CLDN14: variants seen among roughly 807,000 people sequenced by gnomAD.
CLDN14 encodes the protein claudin-14.
In CLDN14, 2 loss-of-function variants were observed where a neutral mutation model predicts 2.1. The ratio of observed to expected loss-of-function variants is 0.96; its 90% confidence interval spans 0.39 to 3.01. The LOEUF (loss-of-function observed/expected upper bound fraction) is 3.01. Ranked by LOEUF, CLDN14 falls within the 30% of genes most tolerant of loss-of-function variation. CLDN14 has a pLI of 0.09. For missense variants in CLDN14, 298 were observed against 328.0 expected, an observed-to-expected ratio of 0.91 and a Z score of 0.71; for synonymous variants, 136 against 154.4, an observed-to-expected ratio of 0.88 and a Z score of 0.88.
intron 1 of CLDN14, among the ~76,000 whole-genome samples, chr21:36,549,329 G>A (rs956792458): frequency 6.6e-6 from 1 of 151,826 alleles, no homozygotes; most frequent in Admixed American, 6.6e-5. Flanking sequence ...CGGCTACTGA[G>A]AGTCCTCGCT....
intron 2 of CLDN14, among the ~76,000 whole-genome samples, chr21:36,489,131 A>AAAAAATATATATATATAT: frequency 1.6e-5 from 1 of 62,750 alleles, no homozygotes; most frequent in African/African-American, 5.9e-5. Context: ...AAAAAAAAAA[A>AAAAAATATATATATATAT]ATATATATAT....
chr21:36,537,763 C>T (rs929213902), intron 1 of CLDN14, among the ~76,000 whole-genome samples: 1 of 151,538 alleles, frequency 6.6e-6, no homozygotes, highest in South Asian at 2.1e-4. Context: ...AATTCCCCTG[C>T]CTCAGCCTCC....
intron 1 of CLDN14, among the ~76,000 whole-genome samples, chr21:36,555,897 C>A (rs2087596486): frequency 6.6e-6 from 1 of 151,710 alleles, no homozygotes; most frequent in African/African-American, 2.4e-5. Flanking sequence ...CATAGGGACA[C>A]TTTTTGCACA....
chr21:36,513,208 C>T (rs2087199295), intron 1 of CLDN14, among the ~76,000 whole-genome samples: 1 of 152,220 alleles, frequency 6.6e-6, no homozygotes, highest in Non-Finnish European at 1.5e-5. Flanking sequence ...ATTGGAGGAA[C>T]TGTCCAGGGG....
intron 1 of CLDN14, among the ~76,000 whole-genome samples, chr21:36,567,772 T>G (rs1420264851): frequency 6.6e-6 from 1 of 152,172 alleles, no homozygotes; most frequent in South Asian, 2.1e-4. Context: ...AAAATTACCC[T>G]GGCCATTTAG....
chr21:36,571,129 C>G (rs1332923155), intron 1 of CLDN14, among the ~76,000 whole-genome samples: 1 of 152,228 alleles, frequency 6.6e-6, no homozygotes, highest in Non-Finnish European at 1.5e-5. Context: ...CGTGAGCCGC[C>G]GTGCCCAGCC....
At chr21:36,472,031 A>G (rs1423949221) in intron 1 of CLDN14, among the ~76,000 whole-genome samples, 1 of 152,238 alleles carries the variant, frequency 6.6e-6, no homozygotes, top group Non-Finnish European at 1.5e-5. Context: ...TATGCCAAAC[A>G]TGTGCTAAGT....
chr21:36,508,703 G>C (rs59097582), intron 2 of CLDN14, among the ~76,000 whole-genome samples: 4 of 152,142 alleles, frequency 2.6e-5, no homozygotes. Context: ...AGAAACCACC[G>C]AGGTTTCTGT....
intron 2 of CLDN14, among the ~76,000 whole-genome samples, chr21:36,500,349 C>T (rs370614362): frequency 2.0e-5 from 3 of 152,162 alleles, no homozygotes; most frequent in African/African-American, 4.8e-5. Flanking sequence ...AGTGACGCCT[C>T]GGACAGTGAC....
At chr21:36,463,999 A>T (rs546180526) in intron 1 of CLDN14, among the ~76,000 whole-genome samples, 1 of 152,244 alleles carries the variant, frequency 6.6e-6, no homozygotes, top group Admixed American at 6.5e-5. Flanking sequence ...TAGGGTTTGG[A>T]TTTGTGTCCC....
chr21:36,521,770 T>A (rs1016877112), intron 1 of CLDN14, among the ~76,000 whole-genome samples: 1 of 152,092 alleles, frequency 6.6e-6, no homozygotes, highest in Non-Finnish European at 1.5e-5. Context: ...CCTGGGGTCC[T>A]TGTGTCAGCT....
chr21:36,476,013 A>G (rs1431186622), intron 1 of CLDN14, among the ~76,000 whole-genome samples: 1 of 152,148 alleles, frequency 6.6e-6, no homozygotes, highest in Non-Finnish European at 1.5e-5. Flanking sequence ...AGCTTTAAAG[A>G]GTCCAAAACG....
chr21:36,513,703 A>T, intron 1 of CLDN14, among the ~76,000 whole-genome samples: 1 of 152,104 alleles, frequency 6.6e-6, no homozygotes, highest in Admixed American at 6.5e-5. Context: ...AGTCATCCTG[A>T]GCTAGGGTCA....
rs1568878939 is a variant in CLDN14 at position 36,551,628 on chromosome 21, G to A, written c.-220+24783C>T. On this transcript the variant is annotated intron_variant, in intron 1 of 2. Coordinates refer to the CLDN14 transcript ENST00000342108. The surrounding 1 kb of genome is among the most constrained non-coding windows in gnomAD (Gnocchi z 4.8). ...TCTGAGATGCCGCCTTGGGTGGTGG[G>A]TAGAGGGATGACCCTGAGCCAGCCC... Among the ~76,000 whole-genome samples, 1 of 152,172 alleles carries A rather than the reference G, an allele frequency of 6.6e-6. No individual in the cohort carries two copies. Among genetic ancestry groups the A allele is most frequent in the African/African-American group, 2.4e-5 (1 of 41,434 alleles).
chr21:36,474,722 A>G (rs1297429108), intron 1 of CLDN14, among the ~76,000 whole-genome samples: 3 of 152,064 alleles, frequency 2.0e-5, no homozygotes, highest in Admixed American at 1.3e-4. Flanking sequence ...TGTTTTGAAG[A>G]TGAGAGGCAT....
chr21:36,485,536 C>T (rs562213012), intron 2 of CLDN14, among the ~76,000 whole-genome samples: 8 of 150,816 alleles, frequency 5.3e-5, no homozygotes, highest in South Asian at 2.1e-4. Context: ...TAGGATCAGA[C>T]GGATCACTTC....
chr21:36,530,366 G>GATCCGGGCCACAGAGA (rs2087370188), intron 1 of CLDN14, among the ~76,000 whole-genome samples: 5 of 152,272 alleles, frequency 3.3e-5, no homozygotes, highest in Non-Finnish European at 7.3e-5. Context: ...CCACATGCAG[G>GATCCGGGCCACAGAGA]TCTGCAGTGA....
chr21:36,509,695 A>G (rs1398184040), intron 2 of CLDN14, among the ~76,000 whole-genome samples: 1 of 152,146 alleles, frequency 6.6e-6, no homozygotes, highest in Non-Finnish European at 1.5e-5. Flanking sequence ...TCCCGGCTTC[A>G]AGTGATTCTA....
At chr21:36,516,910 A>G (rs140862155) in intron 1 of CLDN14, among the ~76,000 whole-genome samples, 1,676 of 152,292 alleles carry the variant, frequency 0.011, 27 homozygotes, top group African/African-American at 0.037. Context: ...GTGGAATCTC[A>G]GCTCACCGCA....
Sources: gnomAD v4.1 joint callset for allele counts (sites outside exome capture counted in the v4.1 genomes callset) on GRCh38, gnomAD v4.1.1 for gene constraint, Gnocchi (gnomAD v3.1) non-coding constraint, MANE v1.5 for transcripts, NCBI Gene and HGNC (gene_info 2026-07-23, HGNC 2026-07-21) for gene names.